The following FNDC3B variants were observed in gnomAD, a reference collection of about 807,000 sequenced individuals.
The protein encoded by FNDC3B is fibronectin type III domain containing 3B, also known as fibronectin type III domain-containing protein 3B.
Under a neutral mutation model 151.5 loss-of-function variants are expected in FNDC3B, and 12 were observed. The ratio of observed to expected loss-of-function variants is 0.08; its 90% confidence interval spans 0.05 to 0.13. FNDC3B has a LOEUF of 0.13. Among genes scored for constraint, FNDC3B ranks in the 10% least tolerant of loss-of-function variants. The probability of loss-of-function intolerance (pLI) is 1.00; values close to 1 mark genes in which losing one functional copy is unlikely to be tolerated. For synonymous variants in FNDC3B, 528 were observed against 549.0 expected, an observed-to-expected ratio of 0.96 and a Z score of 0.54; for missense variants, 1,214 against 1,505.3, an observed-to-expected ratio of 0.81 and a Z score of 3.20.
At chr3:172,224,981 G>C (rs1308338994) in intron 3 of FNDC3B, among the ~76,000 whole-genome samples, 4 of 152,202 alleles carry the variant, frequency 2.6e-5, no homozygotes, top group Non-Finnish European at 5.9e-5. Flanking sequence ...TCTTTGAAAG[G>C]TGTCTGAAGT....
chr3:172,094,704 T>A (rs752052206), intron 1 of FNDC3B, among the ~76,000 whole-genome samples: 4 of 151,864 alleles, frequency 2.6e-5, no homozygotes, highest in Non-Finnish European at 5.9e-5. Context: ...CTGGAGAAAC[T>A]CTAACCTGAA....
intron 21 of FNDC3B, among the ~76,000 whole-genome samples, chr3:172,351,807 G>A (rs956609974): frequency 6.6e-6 from 1 of 152,196 alleles, no homozygotes; most frequent in African/African-American, 2.4e-5. Context: ...CTCTGAAGGA[G>A]GAGGGAAACC....
At chr3:172,076,760 A>G (rs951895605) in intron 1 of FNDC3B, among the ~76,000 whole-genome samples, 2 of 152,198 alleles carry the variant, frequency 1.3e-5, no homozygotes, top group Non-Finnish European at 2.9e-5. Context: ...GTGAATTCTA[A>G]TCAGGTCACA....
intron 6 of FNDC3B, among the ~76,000 whole-genome samples, chr3:172,283,237 T>C (rs1335407939): frequency 1.3e-5 from 2 of 152,202 alleles, no homozygotes; most frequent in Admixed American, 6.5e-5. Flanking sequence ...TTGGACAGAT[T>C]TTTTTATTAT....
chr3:172,118,285 A>C (rs1370262439), intron 2 of FNDC3B, among the ~76,000 whole-genome samples: 1 of 152,026 alleles, frequency 6.6e-6, no homozygotes, highest in African/African-American at 2.4e-5. Context: ...CTTCTTAATA[A>C]CTTTCTTCTT....
At chr3:172,157,790 A>G (rs1722568342) in intron 3 of FNDC3B, among the ~76,000 whole-genome samples, 3 of 152,228 alleles carry the variant, frequency 2.0e-5, no homozygotes, top group Non-Finnish European at 4.4e-5. Flanking sequence ...AGGACATTTG[A>G]TAGTTCTGGC....
At chr3:172,321,379 A>G (rs1284083138) in intron 11 of FNDC3B, among the ~76,000 whole-genome samples, 1 of 152,216 alleles carries the variant, frequency 6.6e-6, no homozygotes, top group Non-Finnish European at 1.5e-5. Flanking sequence ...TTTATCGTCT[A>G]GGAGTCTGGT....
intron 3 of FNDC3B, among the ~76,000 whole-genome samples, chr3:172,181,958 T>C (rs1246758851): frequency 6.6e-6 from 1 of 152,158 alleles, no homozygotes; most frequent in Non-Finnish European, 1.5e-5. Flanking sequence ...ACGTTATTGC[T>C]TTTTCCTTAC....
chr3:172,276,272 A>C (rs979482054), intron 6 of FNDC3B, among the ~76,000 whole-genome samples: 1 of 152,200 alleles, frequency 6.6e-6, no homozygotes, highest in African/African-American at 2.4e-5. Flanking sequence ...CAGGTGTTCC[A>C]AACCAGAAGT....
intron 25 of FNDC3B, among the ~76,000 whole-genome samples, chr3:172,382,692 C>A (rs1410559377): frequency 6.6e-6 from 1 of 152,102 alleles, no homozygotes; most frequent in Non-Finnish European, 1.5e-5. Flanking sequence ...ATATAGCTAG[C>A]CAGTTTTTCC....
chr3:172,224,324 G>A (rs913309691), intron 3 of FNDC3B, among the ~76,000 whole-genome samples: 2 of 152,062 alleles, frequency 1.3e-5, no homozygotes, highest in African/African-American at 4.8e-5. Flanking sequence ...GAATTAAATG[G>A]GGTCATGCAA....
intron 19 of FNDC3B, among the ~76,000 whole-genome samples, chr3:172,344,849 A>G (rs535415313): frequency 1.3e-5 from 2 of 152,272 alleles, no homozygotes; most frequent in South Asian, 4.1e-4. Flanking sequence ...TGAAATTGCC[A>G]AATGATGTGG....
chr3:172,224,941 T>G (rs555377208), intron 3 of FNDC3B, among the ~76,000 whole-genome samples: 9 of 152,304 alleles, frequency 5.9e-5, no homozygotes, highest in South Asian at 2.1e-4. Flanking sequence ...TTCTTGCACT[T>G]CTAGGGAAGC....
At chr3:172,068,528 A>G (rs1456689051) in intron 1 of FNDC3B, among the ~76,000 whole-genome samples, 1 of 151,210 alleles carries the variant, frequency 6.6e-6, no homozygotes, top group East Asian at 2.0e-4. Context: ...GGTTCAAGCA[A>G]TTCTCCTGCC....
At chr3:172,147,915 G>A (rs1379573807) in intron 3 of FNDC3B, among the ~76,000 whole-genome samples, 1 of 152,034 alleles carries the variant, frequency 6.6e-6, no homozygotes. Context: ...AGAAAAATAA[G>A]AAAAATTGAC....
At chr3:172,354,403 A>G (rs990638294) in intron 22 of FNDC3B, among the ~76,000 whole-genome samples, 6 of 151,838 alleles carry the variant, frequency 4.0e-5, no homozygotes, top group African/African-American at 4.8e-5. Flanking sequence ...ACCAAGTTCA[A>G]TTAATATTTT....
intron 1 of FNDC3B, among the ~76,000 whole-genome samples, chr3:172,059,167 T>C (rs548401992): frequency 6.6e-6 from 1 of 152,242 alleles, no homozygotes; most frequent in African/African-American, 2.4e-5. Context: ...GTGTAACTTA[T>C]ATGTGTGTTT....
chr3:172,155,929 A>G (rs544345569), intron 3 of FNDC3B, among the ~76,000 whole-genome samples: 3 of 152,336 alleles, frequency 2.0e-5, no homozygotes, highest in African/African-American at 7.2e-5. Flanking sequence ...AATCCGTTGC[A>G]GTGGCAGAAG....
chr3:172,093,665 CT>C (rs1718958745), intron 1 of FNDC3B, among the ~76,000 whole-genome samples: 2 of 152,158 alleles, frequency 1.3e-5, no homozygotes, highest in Admixed American at 6.5e-5. Context: ...TCCCAAAGTG[CT>C]GGGATTACTG....
Sources: allele counts gnomAD v4.1 joint callset (sites outside exome capture counted in the v4.1 genomes callset), GRCh38; gene constraint gnomAD v4.1.1; transcripts MANE v1.5; gene names NCBI Gene and HGNC (gene_info 2026-07-23, HGNC 2026-07-21).